COL4A1: variants seen among roughly 807,000 people sequenced by gnomAD.
COL4A1 encodes collagen alpha-1(IV) chain.
In COL4A1, 40 loss-of-function variants were observed where a neutral mutation model predicts 216.6. The observed-to-expected ratio is 0.18, with a 90% CI of 0.14 to 0.24. The LOEUF is 0.24. Ranked by LOEUF, COL4A1 falls within the 10% of genes least tolerant of loss-of-function variation. The pLI is 1.00. For missense variants in COL4A1, 1,628 were observed against 2,196.8 expected (o/e 0.74, Z 5.18); for synonymous variants, 839 against 810.7 (o/e 1.03, Z -0.59).
chr13:110,243,000 T>A (rs924866861), intron 1 of COL4A1, among the ~76,000 whole-genome samples: 2 of 152,268 alleles, frequency 1.3e-5, no homozygotes, highest in Non-Finnish European at 2.9e-5. Flanking sequence ...CAATGTCACC[T>A]ATACTTTTTG....
At chr13:110,258,672 A>T (rs1276815773) in intron 1 of COL4A1, among the ~76,000 whole-genome samples, 1 of 152,260 alleles carries the variant, frequency 6.6e-6, no homozygotes, top group Non-Finnish European at 1.5e-5. Context: ...GATATAAATG[A>T]TAATTTAATA....
At chr13:110,259,140 A>G (rs1388894377) in intron 1 of COL4A1, among the ~76,000 whole-genome samples, 1 of 152,190 alleles carries the variant, frequency 6.6e-6, no homozygotes, top group Non-Finnish European at 1.5e-5. Context: ...GGTTTTTTCC[A>G]TCTTGTTAAT....
Position 110,172,983 on chromosome 13 carries a change from C to T in COL4A1, c.3506-213G>A, listed in dbSNP as rs615731. Among the ~76,000 whole-genome samples the T allele has an allele frequency of 0.019, 2,928 of 152,234 alleles. 82 individuals are homozygous for T. Among genetic ancestry groups the T allele is most frequent in the African/African-American group, 0.066 (2,757 of 41,524 alleles). Reference sequence around the variant, plus strand: ...TAATTTAGTACTTTTTCCTAAGTACCTTTCAGCTCAGAACCACCACGGCAT... The same window carrying T: ...TAATTTAGTACTTTTTCCTAAGTACTTTTCAGCTCAGAACCACCACGGCAT... On this transcript the variant is annotated intron_variant, in intron 40 of 51. Transcript: ENST00000375820.
intron 2 of COL4A1, among the ~76,000 whole-genome samples, chr13:110,228,330 A>G (rs1880846519): frequency 6.6e-6 from 1 of 152,084 alleles, no homozygotes; most frequent in South Asian, 2.1e-4. Flanking sequence ...AGATTCCTTT[A>G]AAAATCCAAT....
chr13:110,178,312 A>T (rs751583002), intron 31 of COL4A1, 81 bp from the exon 32 acceptor site: 2 of 1,576,100 alleles, frequency 1.3e-6, no homozygotes, highest in Non-Finnish European at 1.7e-6. Context: ...TTTAACTATG[A>T]CTTTCTGCAG....
In COL4A1 at chr13:110,175,231, A is replaced by G; in HGVS notation, c.3185T>C (p.Leu1062Pro). The G allele has an allele frequency of 6.2e-7, 1 of 1,614,218 alleles. No homozygotes were observed. The highest frequency in any genetic ancestry group is 8.5e-7 in the Non-Finnish European group (1 of 1,180,042). ...AGCGCTGGTTACCTTTTCACCTCGCAGCCCTGGGATGCCTATGCCAGGTGG... is the reference window on the plus strand; with the variant it reads ...AGCGCTGGTTACCTTTTCACCTCGCGGCCCTGGGATGCCTATGCCAGGTGG... Reference protein sequence around the residue: ...AGPPGIGIPGLRGEKGDQGIA... With the variant: ...AGPPGIGIPGPRGEKGDQGIA... Residue 1062 changes from leucine to proline, a missense_variant, in exon 37 of 52, where the codon CTG (leucine) becomes CCG (proline). Physicochemically the swap from Leu to Pro is moderately conservative, Grantham distance 98. This residue lies in a region of COL4A1 where 345 missense variants were observed against 476.9 expected (regional missense o/e 0.72). Transcript: ENST00000375820.
At position 110,170,580 on chromosome 13, in the gene COL4A1, C is replaced by A; in HGVS notation, c.3709G>T (p.Asp1237Tyr). The change falls in exon 42 of 52, where the codon GAC (aspartate) becomes TAC (tyrosine). Residue 1237 changes from aspartate (D) to tyrosine (Y), a missense_variant. Asp to Tyr is a radical substitution (Grantham distance 160). Coordinates refer to ENST00000375820, the MANE Select transcript of COL4A1 (RefSeq NM_001845.6). ...PGHATEGPKG[D>Y]RGPQGQPGLP... ...CCAGGCTGGCCCTGAGGTCCGCGGT[C>A]TCCTTTGGGCCCCTCCGTGGCATGG... 1 of 1,609,352 alleles carries A rather than the reference C, an allele frequency of 6.2e-7. No individual in the cohort carries two copies. Among genetic ancestry groups the A allele is most frequent in the Non-Finnish European group, 8.5e-7 (1 of 1,177,784 alleles).
intron 49 of COL4A1, among the ~76,000 whole-genome samples, chr13:110,157,369 C>T (rs540718948): frequency 1.3e-5 from 2 of 152,306 alleles, no homozygotes; most frequent in East Asian, 1.9e-4. Flanking sequence ...CTGCTCAAAA[C>T]GAAGGCTTTT....
At chr13:110,301,112 C>G (rs1884473293) in intron 1 of COL4A1, among the ~76,000 whole-genome samples, 1 of 152,202 alleles carries the variant, frequency 6.6e-6, no homozygotes, top group South Asian at 2.1e-4. Flanking sequence ...GGTGGAATAT[C>G]TACTCCAAAT....
At chr13:110,167,074 G>C in intron 44 of COL4A1, 84 bp downstream of exon 44, 1 of 1,081,316 alleles carries the variant, frequency 9.2e-7, no homozygotes, top group Non-Finnish European at 1.4e-6. Flanking sequence ...GGTGCTATCA[G>C]TGCTAAGGTG....
intron 1 of COL4A1, among the ~76,000 whole-genome samples, chr13:110,248,438 C>T (rs1457320765): frequency 6.6e-6 from 1 of 152,318 alleles, no homozygotes. Flanking sequence ...CACGGCCACA[C>T]GGCAGGGGCG....
chr13:110,243,926 G>A (rs1292242841), intron 1 of COL4A1, among the ~76,000 whole-genome samples: 13 of 152,258 alleles, frequency 8.5e-5, no homozygotes, highest in Middle Eastern at 3.4e-3. Context: ...ATAGAAATAC[G>A]TCGGTACATA....
chr13:110,212,662 G>C, intron 4 of COL4A1, 44 bp from the exon 5 acceptor site: 1 of 1,609,268 alleles, frequency 6.2e-7, no homozygotes, highest in Non-Finnish European at 8.5e-7. Flanking sequence ...GAGCCGGGAA[G>C]CCTCACTTCC....
chr13:110,211,805 G>T lies in COL4A1; in HGVS notation c.441+64C>A, dbSNP rs1361504219. ...AGCAAAGAAAGAAAGAAAAGGAAAT[G>T]GAATGAAAAGAGAGAAGTCATAACT... is the stretch of plus-strand genomic sequence containing the variant. On this transcript the variant is annotated intron_variant, in intron 7 of 51. Transcript: ENST00000375820. This position sits in a 1 kb window ranked among gnomAD's most constrained non-coding sequence, Gnocchi z 4.3. The T allele has an allele frequency of 1.3e-6, 2 of 1,563,548 alleles. No homozygotes were observed. Among genetic ancestry groups the T allele is most frequent in the African/African-American group, 2.7e-5 (2 of 73,656 alleles).
At chr13:110,255,864 G>A (rs1353961952) in intron 1 of COL4A1, among the ~76,000 whole-genome samples, 4 of 53,506 alleles carry the variant, frequency 7.5e-5, no homozygotes, top group Non-Finnish European at 1.6e-4. Flanking sequence ...GGCAGGAAGG[G>A]AGGGGGAAGG....
chr13:110,267,139 C>A (rs1182897404), intron 1 of COL4A1, among the ~76,000 whole-genome samples: 3 of 152,160 alleles, frequency 2.0e-5, no homozygotes, highest in African/African-American at 4.8e-5. Context: ...ACAAAGAGCA[C>A]AATGAGCCCA....
chr13:110,236,213 T>G (rs1334950948), intron 2 of COL4A1, among the ~76,000 whole-genome samples: 1 of 152,220 alleles, frequency 6.6e-6, no homozygotes, highest in African/African-American at 2.4e-5. Context: ...CATTGCAATG[T>G]CTCTGGCAAT....
At chr13:110,153,299 G>A (rs1022773744) in intron 50 of COL4A1, among the ~76,000 whole-genome samples, 4 of 152,200 alleles carry the variant, frequency 2.6e-5, no homozygotes, top group East Asian at 1.9e-4. Flanking sequence ...AGGCAAGGAC[G>A]GGGTCTCCAG....
Position 110,163,523 on chromosome 13 carries a change from T to A in COL4A1, c.4189A>T (p.Ile1397Phe). The A allele has an allele frequency of 6.2e-7, 1 of 1,614,154 alleles. No individual in the cohort carries two copies. The highest frequency in any genetic ancestry group is 8.5e-7 in the Non-Finnish European group (1 of 1,180,012). Residue 1397 changes from isoleucine (I) to phenylalanine (F), a missense_variant, in exon 47 of 52, where the codon ATT (isoleucine) becomes TTT (phenylalanine). Physicochemically the swap from Ile to Phe is conservative, Grantham distance 21. Transcript: ENST00000375820. The stretch of plus-strand genomic sequence containing the variant: ...CCAGGGGCACCGTCAAACCCAGGAA[T>A]ACCTGGAGGTCCAGGTATACCCACC... ...GLVGIPGPPG[I>F]PGFDGAPGQK...
Sources: allele counts gnomAD v4.1 joint callset (sites outside exome capture counted in the v4.1 genomes callset), GRCh38; gene constraint gnomAD v4.1.1; regional missense constraint gnomAD v4.1.1; non-coding constraint Gnocchi (gnomAD v3.1); transcripts MANE v1.5; gene names NCBI Gene and HGNC (gene_info 2026-07-23, HGNC 2026-07-21).